PRKAR1A: variants seen among roughly 807,000 people sequenced by gnomAD.
The protein encoded by PRKAR1A is protein kinase cAMP-dependent type I regulatory subunit alpha, also known as cAMP-dependent protein kinase type I-alpha regulatory subunit.
In PRKAR1A, 3 loss-of-function variants were observed where a neutral mutation model predicts 52.0. The observed-to-expected ratio is 0.06, with a 90% CI of 0.03 to 0.15. The LOEUF is 0.15. Ranked by LOEUF, PRKAR1A falls within the 10% of genes least tolerant of loss-of-function variation. The pLI, the probability that PRKAR1A is intolerant of heterozygous loss-of-function variation, is 1.00. For missense variants in PRKAR1A, 240 were observed against 477.4 expected (o/e 0.50, Z 4.63); for synonymous variants, 188 against 168.4 (o/e 1.12, Z -0.90).
the PRKAR1A span, chr17:68,457,518 C>G: frequency 3.1e-6 from 2 of 650,856 alleles, no homozygotes; most frequent in Non-Finnish European, 3.8e-6. Flanking sequence ...CCGGTCCTGC[C>G]CCGCCCCTAC....
chr17:68,458,664 C>T, the PRKAR1A span, among the ~76,000 whole-genome samples: 1 of 152,186 alleles, frequency 6.6e-6, no homozygotes, highest in African/African-American at 2.4e-5. Context: ...AACAAAGAAT[C>T]TCTTTTTAAA....
At chr17:68,540,147 G>A (rs1368854980) in intron 11 of PRKAR1A, among the ~76,000 whole-genome samples, 1 of 152,190 alleles carries the variant, frequency 6.6e-6, no homozygotes, top group African/African-American at 2.4e-5. Flanking sequence ...GGAGGGAGAA[G>A]GAAGCGAAAC....
rs2086254952 is a variant in PRKAR1A, at chr17:68,540,842, GACCT to G, written c.974-10236_974-10233del. ...CTTCTGCTGGGGGCCTGCGTGTGGGGACCTACCTATCAAGAAGTCGAAGATGGCC... is the reference window on the plus strand; with the variant it reads ...CTTCTGCTGGGGGCCTGCGTGTGGGGACCTATCAAGAAGTCGAAGATGGCC... On this transcript the variant is annotated intron_variant, in intron 11 of 11. Transcript: ENST00000585981. 2 of 1,592,264 alleles carry G rather than the reference GACCT, an allele frequency of 1.3e-6. No individual in the cohort carries two copies. Among genetic ancestry groups the G allele is most frequent in the Middle Eastern group, 2.2e-4 (1 of 4,588 alleles).
At chr17:68,470,175 C>T in the PRKAR1A span, among the ~76,000 whole-genome samples, 1 of 151,926 alleles carries the variant, frequency 6.6e-6, no homozygotes, top group Non-Finnish European at 1.5e-5. Context: ...CTCCATCTCC[C>T]AGGTTCAAGT....
intron 11 of PRKAR1A, among the ~76,000 whole-genome samples, chr17:68,546,747 G>T (rs531534531): frequency 1.9e-3 from 286 of 151,116 alleles, no homozygotes; most frequent in African/African-American, 6.7e-3. Flanking sequence ...GGAGAATGGC[G>T]TGAACCCGGG....
chr17:68,514,637 A>G (rs186349956), intron 1 of PRKAR1A, among the ~76,000 whole-genome samples: 134 of 152,336 alleles, frequency 8.8e-4, no homozygotes, highest in African/African-American at 3.1e-3. Flanking sequence ...GTGTTTTAAC[A>G]TTCTCCTGTC....
At chr17:68,468,972 C>T in the PRKAR1A span, among the ~76,000 whole-genome samples, 186 of 152,258 alleles carry the variant, frequency 1.2e-3, 2 homozygotes, top group Admixed American at 1.8e-3. Flanking sequence ...ATAGGTGACC[C>T]TTGTCTGACC....
chr17:68,520,440 G>C (rs1016867898), intron 2 of PRKAR1A, among the ~76,000 whole-genome samples: 2 of 152,146 alleles, frequency 1.3e-5, no homozygotes, highest in African/African-American at 4.8e-5. Context: ...TGAGTAGACT[G>C]GGAGGTTTTT....
chr17:68,415,231 T>A, the PRKAR1A span, among the ~76,000 whole-genome samples: 1 of 152,202 alleles, frequency 6.6e-6, no homozygotes, highest in African/African-American at 2.4e-5. Context: ...GTCACTATTA[T>A]TCAGTTTGAA....
the PRKAR1A span, chr17:68,434,612 C>T: frequency 1.2e-6 from 2 of 1,613,902 alleles, no homozygotes; most frequent in Admixed American, 3.3e-5. Context: ...CAGAGAACAC[C>T]CGGATGACTG....
chr17:68,490,003 C>T, the PRKAR1A span, among the ~76,000 whole-genome samples: 1 of 152,194 alleles, frequency 6.6e-6, no homozygotes, highest in South Asian at 2.1e-4. Flanking sequence ...CCTGATTACT[C>T]AACAGGATTT....
chr17:68,508,212 ATCATAAAGACACAT>A (rs2085221601), upstream of PRKAR1A, among the ~76,000 whole-genome samples: 1 of 152,234 alleles, frequency 6.6e-6, no homozygotes, highest in Admixed American at 6.5e-5. Flanking sequence ...AAATCATTGT[ATCATAAAGACACAT>A]GCATGCTTAT....
At chr17:68,548,723 A>ATTCTTTTTT (rs200833117) in intron 11 of PRKAR1A, among the ~76,000 whole-genome samples, 1 of 117,944 alleles carries the variant, frequency 8.5e-6, no homozygotes, top group Non-Finnish European at 1.7e-5. Context: ...CTATGCCTGT[A>ATTCTTTTTT]TATTTTTTTT....
the PRKAR1A span, among the ~76,000 whole-genome samples, chr17:68,449,826 G>A: frequency 2.0e-5 from 3 of 152,102 alleles, no homozygotes; most frequent in African/African-American, 7.2e-5. Context: ...GAGAATAGAC[G>A]AATACACTCT....
In PRKAR1A at chr17:68,527,826, A is replaced by G. The variant is rs1236736041; in HGVS notation, c.709-14A>G. On this transcript the variant is annotated splice_polypyrimidine_tract_variant and intron_variant, in intron 7 of 10. Transcript: ENST00000589228. ...ACGTCTTGGGGATATCACTTTTGTTATTTTTATTTTTAGGGAAGCACACTG... is the reference window on the plus strand; with the variant it reads ...ACGTCTTGGGGATATCACTTTTGTTGTTTTTATTTTTAGGGAAGCACACTG... 1 of 1,600,604 alleles carries G rather than the reference A, an allele frequency of 6.2e-7. No homozygotes were observed. The highest frequency in any genetic ancestry group is 8.6e-7 in the Non-Finnish European group (1 of 1,168,602).
At chr17:68,549,171 C>T (rs895073212) in intron 11 of PRKAR1A, among the ~76,000 whole-genome samples, 4 of 152,140 alleles carry the variant, frequency 2.6e-5, no homozygotes, top group Admixed American at 6.5e-5. Context: ...GGAGCTCATC[C>T]ATTGCATATT....
rs997006415 is a variant in PRKAR1A at position 68,531,350 on chromosome 17, C to T, written c.*901C>T. 6 of 1,065,818 alleles carry T rather than the reference C, an allele frequency of 5.6e-6. No homozygotes were observed. The highest frequency in any genetic ancestry group is 6.8e-6 in the Non-Finnish European group (6 of 879,506). The allele number at this position is 1,065,818 out of a possible 1,614,324, so 66.0% of individuals were successfully genotyped here. A position where few individuals can be genotyped will look rare whatever the true frequency, so the allele number is the denominator to read the frequency against. ...TTAAAGTATGTCCTTCAGCTGACTCCAGTATAATCTCCTCTGCTCATTAAA... is the reference window on the plus strand; with the variant it reads ...TTAAAGTATGTCCTTCAGCTGACTCTAGTATAATCTCCTCTGCTCATTAAA... On this transcript the variant is annotated 3_prime_UTR_variant, in exon 11 of 11. Coordinates refer to ENST00000589228, the MANE Select transcript of PRKAR1A (RefSeq NM_002734.5).
chr17:68,515,104 A>C, intron 1 of PRKAR1A: 1 of 423,830 alleles, frequency 2.4e-6, no homozygotes, highest in Middle Eastern at 7.1e-4. Context: ...TGACTTCAGC[A>C]CCCGTCTCTG....
exon 12 of PRKAR1A, chr17:68,551,084 G>A: frequency 8.1e-7 from 1 of 1,234,318 alleles, no homozygotes; most frequent in Non-Finnish European, 1.0e-6. Context: ...TTTTCTGCAG[G>A]TCACCTCATC....
Sources: gnomAD v4.1 joint callset for allele counts (sites outside exome capture counted in the v4.1 genomes callset) on GRCh38, gnomAD v4.1.1 for gene constraint, MANE v1.5 for transcripts, NCBI Gene and HGNC (gene_info 2026-07-23, HGNC 2026-07-21) for gene names.